RAI14: variants seen among roughly 807,000 people sequenced by gnomAD.
RAI14 encodes the protein ankycorbin.
Under a neutral mutation model 115.4 loss-of-function variants are expected in RAI14, and 45 were observed. The ratio of observed to expected loss-of-function variants is 0.39; its 90% CI spans 0.31 to 0.50. RAI14 has a LOEUF of 0.50. Among genes scored for constraint, RAI14 ranks in the 20% least tolerant of loss-of-function variants. The pLI is 0.85. For synonymous variants in RAI14, 371 were observed against 415.4 expected (o/e 0.89, Z 1.30); for missense variants, 939 against 1,131.2 (o/e 0.83, Z 2.44).
At chr5:34,730,456 C>G (rs1037748896) in intron 2 of RAI14, among the ~76,000 whole-genome samples, 1 of 152,028 alleles carries the variant, frequency 6.6e-6, no homozygotes, top group Non-Finnish European at 1.5e-5. Flanking sequence ...GCAGGCAGGT[C>G]TCTTGAAGCG....
At chr5:34,736,327 G>A (rs1744875130) in intron 2 of RAI14, among the ~76,000 whole-genome samples, 2 of 152,210 alleles carry the variant, frequency 1.3e-5, no homozygotes, top group African/African-American at 4.8e-5. Context: ...TTGAACCCGG[G>A]TGGCGGAGGT....
chr5:34,822,877 C>T (rs1580370337), intron 14 of RAI14, 79 bp from the exon 15 acceptor site: 38 of 1,237,362 alleles, frequency 3.1e-5, no homozygotes, highest in South Asian at 2.0e-4. Flanking sequence ...TTAGTAGAGA[C>T]GGGGTTTCAC....
rs1434736796 is a variant in RAI14, at chr5:34,799,530, ACACACAC to A, written c.256+3504_256+3510del. 8.6e-3 allele frequency among the ~76,000 whole-genome samples: 750 copies of A among 87,502 alleles called. 8 individuals are homozygous for A. Among genetic ancestry groups the A allele is most frequent in the African/African-American group, 0.03 (729 of 24,106 alleles). The allele number at this position is 87,502 out of a possible 152,430, so 57.4% of individuals were successfully genotyped here. ...CACACACACACACACACACACACAC[ACACACAC>A]ACAAAACCACCTTTCAAAATCTATT... On this transcript the variant is annotated intron_variant, in intron 4 of 17. Transcript: ENST00000265109.
chr5:34,826,160 T>A, intron 15 of RAI14, 170 bp from the exon 16 acceptor site: 1 of 509,758 alleles, frequency 2.0e-6, no homozygotes, highest in Admixed American at 4.0e-5. Flanking sequence ...GATTTTGTCA[T>A]CCATTTCATT....
intron 1 of RAI14, among the ~76,000 whole-genome samples, chr5:34,658,615 A>G (rs1742458626): frequency 6.6e-6 from 1 of 151,852 alleles, no homozygotes; most frequent in Non-Finnish European, 1.5e-5. Flanking sequence ...ACACAGTGAA[A>G]CCCCGTCTCT....
At chr5:34,675,979 C>A (rs1183965112) in intron 1 of RAI14, among the ~76,000 whole-genome samples, 1 of 152,208 alleles carries the variant, frequency 6.6e-6, no homozygotes, top group African/African-American at 2.4e-5. Flanking sequence ...AATGCTACTT[C>A]TATAAATATT....
At chr5:34,668,883 A>C (rs1447175414) in intron 1 of RAI14, among the ~76,000 whole-genome samples, 1 of 151,848 alleles carries the variant, frequency 6.6e-6, no homozygotes, top group Non-Finnish European at 1.5e-5. Flanking sequence ...CTTGAGATAG[A>C]GTCTCGCTCT....
intron 2 of RAI14, among the ~76,000 whole-genome samples, chr5:34,750,918 T>C (rs994217341): frequency 1.5e-5 from 2 of 134,594 alleles, no homozygotes. Flanking sequence ...AATGGTGCGA[T>C]CTCAGCTCAC....
intron 1 of RAI14, among the ~76,000 whole-genome samples, chr5:34,671,141 C>T (rs557546564): frequency 3.9e-5 from 6 of 152,208 alleles, no homozygotes; most frequent in South Asian, 2.1e-4. Flanking sequence ...GGAGGATAAA[C>T]GTAGCCCCAT....
rs976754975 is a variant in RAI14 at position 34,715,941 on chromosome 5, G to A, written c.36+28986G>A. ...ATACTGGACACTTTAAAGGAAATGA[G>A]GCTTTTTTAAAAAAAGAAAAAGCAT... On this transcript the variant is annotated intron_variant, in intron 2 of 17. Transcript: ENST00000265109. 10 of 316,088 alleles carry A rather than the reference G, an allele frequency of 3.2e-5. No homozygotes were observed. In the Admixed American group the frequency reaches 3.5e-4, roughly 11 times the overall value. 19.6% of individuals were successfully genotyped at this position (316,088 alleles called of 1,614,324 possible).
At chr5:34,824,946 CAAAAAAAA>C (rs1174399473) in intron 15 of RAI14, among the ~76,000 whole-genome samples, 7 of 66,564 alleles carry the variant, frequency 1.1e-4, no homozygotes, top group African/African-American at 6.4e-5. Flanking sequence ...GACTTCATCT[CAAAAAAAA>C]AAAAAAAAAA....
At chr5:34,739,142 C>A (rs895637762) in intron 2 of RAI14, among the ~76,000 whole-genome samples, 1 of 152,172 alleles carries the variant, frequency 6.6e-6, no homozygotes, top group Non-Finnish European at 1.5e-5. Flanking sequence ...TGAATAATAA[C>A]CATACCAGCT....
At chr5:34,814,348 A>G (rs150448697) in intron 11 of RAI14, among the ~76,000 whole-genome samples, 33 of 152,306 alleles carry the variant, frequency 2.2e-4, no homozygotes, top group Admixed American at 6.5e-4. Context: ...AGTTTTATAG[A>G]TTTTTAAAAA....
At chr5:34,742,778 C>T (rs999158879) in intron 2 of RAI14, among the ~76,000 whole-genome samples, 4 of 152,136 alleles carry the variant, frequency 2.6e-5, no homozygotes, top group African/African-American at 9.7e-5. Flanking sequence ...ATTCTCTTGC[C>T]TCAGCCTCCT....
At chr5:34,715,553 G>A (rs1285909720) in intron 2 of RAI14, among the ~76,000 whole-genome samples, 1 of 152,124 alleles carries the variant, frequency 6.6e-6, no homozygotes, top group Non-Finnish European at 1.5e-5. Context: ...GGTGTTCCCT[G>A]CCCCAAAAGG....
At chr5:34,706,696 T>G (rs1740732623) in intron 2 of RAI14, among the ~76,000 whole-genome samples, 2 of 152,166 alleles carry the variant, frequency 1.3e-5, no homozygotes, top group Non-Finnish European at 2.9e-5. Flanking sequence ...TGTTGCTGCC[T>G]CCTATTACTG....
chr5:34,797,669 C>G (rs1438116852), intron 4 of RAI14, among the ~76,000 whole-genome samples: 3 of 152,152 alleles, frequency 2.0e-5, no homozygotes, highest in Non-Finnish European at 4.4e-5. Flanking sequence ...GAGGGAAATA[C>G]TAATTTATGT....
At chr5:34,757,909 C>G (rs1748110894) in intron 3 of RAI14, 1 of 187,352 alleles carries the variant, frequency 5.3e-6, no homozygotes, top group African/African-American at 2.4e-5. Context: ...AAAGTATTTT[C>G]CTATAACCCT....
Position 34,809,810 on chromosome 5 carries a change from T to G in RAI14, c.450+1156T>G, listed in dbSNP as rs1158974354. 2.0e-5 allele frequency among the ~76,000 whole-genome samples: 3 copies of G among 152,360 alleles called. No homozygotes were observed. In the East Asian group the frequency reaches 5.8e-4, roughly 29 times the overall value. On this transcript the variant is annotated intron_variant, in intron 7 of 17. Coordinates refer to ENST00000265109, the MANE Select transcript of RAI14 (RefSeq NM_015577.3). ...AATAGAAATTTTACTACTTTCTTTC[T>G]GCACTTGGATAACTTCTACGTAGAA...
Sources: gnomAD v4.1 joint callset for allele counts (sites outside exome capture counted in the v4.1 genomes callset) on GRCh38, gnomAD v4.1.1 for gene constraint, MANE v1.5 for transcripts, NCBI Gene and HGNC (gene_info 2026-07-23, HGNC 2026-07-21) for gene names.